Variants in CMYA5 observed in about 807,000 individuals in gnomAD.
CMYA5 encodes cardiomyopathy-associated protein 5.
In CMYA5, 246 loss-of-function variants were observed where a neutral mutation model predicts 318.9. That is an observed-to-expected ratio of 0.77 (90% confidence interval 0.70 to 0.86). The LOEUF is 0.86. Ranked by LOEUF, CMYA5 falls within the 40% of genes least tolerant of loss-of-function variation. The pLI is 0.00. For synonymous variants in CMYA5, 1,641 were observed against 1,729.5 expected, an observed-to-expected ratio of 0.95 and a Z score of 1.27; for missense variants, 4,589 against 4,678.2, an observed-to-expected ratio of 0.98 and a Z score of 0.56.
At chr5:79,775,754 T>G (rs1249942738) in intron 9 of CMYA5, among the ~76,000 whole-genome samples, 1 of 152,164 alleles carries the variant, frequency 6.6e-6, no homozygotes, top group Admixed American at 6.5e-5. Flanking sequence ...TGTATAACCA[T>G]TATTTTAAAC....
intron 1 of CMYA5, among the ~76,000 whole-genome samples, chr5:79,721,334 A>C (rs1435107840): frequency 6.6e-6 from 1 of 152,136 alleles, no homozygotes; most frequent in Non-Finnish European, 1.5e-5. Context: ...TTAAAAAATA[A>C]AAAAACAAAA....
In CMYA5 at chr5:79,730,643, A is replaced by G. The variant is rs1264978331; in HGVS notation, c.1878A>G (p.Glu626=). ...CATCCAATGTAGAAGCTATAGCTGA[A>G]CATGCAGTTTTGTCAGAAGAAGAGA... ...VPPSNVEAIA[E]HAVLSEEENE... Residue 626 remains glutamate, a synonymous_variant, in exon 2 of 13, where the codon GAA becomes GAG. Coordinates refer to ENST00000446378, the MANE Select transcript of CMYA5 (RefSeq NM_153610.5). 1 of 1,613,918 alleles carries G rather than the reference A, an allele frequency of 6.2e-7. No homozygotes were observed. Among genetic ancestry groups the G allele is most frequent in the Non-Finnish European group, 8.5e-7 (1 of 1,179,894 alleles).
chr5:79,784,818 G>A (rs1325412078), intron 9 of CMYA5, among the ~76,000 whole-genome samples: 1 of 149,974 alleles, frequency 6.7e-6, no homozygotes, highest in Non-Finnish European at 1.5e-5. Context: ...CCCACTGTCT[G>A]GCACTCCCTA....
At chr5:79,764,286 A>G (rs1488634728) in intron 9 of CMYA5, among the ~76,000 whole-genome samples, 6 of 152,142 alleles carry the variant, frequency 3.9e-5, no homozygotes, top group Non-Finnish European at 8.8e-5. Context: ...TTTGCTGAGA[A>G]TGATGGCTTC....
At chr5:79,787,540 G>C (rs954169710) in intron 9 of CMYA5, among the ~76,000 whole-genome samples, 1 of 152,172 alleles carries the variant, frequency 6.6e-6, no homozygotes, top group Non-Finnish European at 1.5e-5. Flanking sequence ...GTCAGTGGAC[G>C]TGGGACTCAG....
At chr5:79,714,356 A>G (rs915459175) in intron 1 of CMYA5, among the ~76,000 whole-genome samples, 1 of 152,024 alleles carries the variant, frequency 6.6e-6, no homozygotes, top group Non-Finnish European at 1.5e-5. Flanking sequence ...CACGTATTCA[A>G]ACAGCATGCC....
rs1411823109 is a variant in CMYA5, at chr5:79,734,505, G to C, written c.5740G>C (p.Val1914Leu). Residue 1914 changes from valine (V) to leucine (L), a missense_variant, in exon 2 of 13, where the codon GTG (valine) becomes CTG (leucine). Around this residue, in one of 3 missense-constraint regions of CMYA5, gnomAD observed 2,431 missense variants for 2,495.1 expected, o/e 0.97. Coordinates refer to ENST00000446378, the MANE Select transcript of CMYA5 (RefSeq NM_153610.5). The stretch of plus-strand genomic sequence containing the variant: ...ACACGAACAGAGAATAGCAGGATCT[G>C]TGCAGCTGGATTCCTCTAGCAGCAA... Reference protein sequence around the residue: ...SQHEQRIAGSVQLDSSSSNEL... With the variant: ...SQHEQRIAGSLQLDSSSSNEL... 2.5e-6 allele frequency: 4 copies of C among 1,613,736 alleles called. No homozygotes were observed. Among genetic ancestry groups the C allele is most frequent in the Non-Finnish European group, 3.4e-6 (4 of 1,179,774 alleles).
At chr5:79,720,524 C>G (rs1210519885) in intron 1 of CMYA5, among the ~76,000 whole-genome samples, 2 of 151,174 alleles carry the variant, frequency 1.3e-5, no homozygotes, top group African/African-American at 4.9e-5. Context: ...GCAACCTCCC[C>G]CTCCCAGGTT....
At chr5:79,741,155 G>A (rs929842414) in intron 2 of CMYA5, among the ~76,000 whole-genome samples, 1 of 152,214 alleles carries the variant, frequency 6.6e-6, no homozygotes, top group African/African-American at 2.4e-5. Context: ...TGGGATTACA[G>A]GTGTGAGTCA....
At chr5:79,713,275 A>G (rs1346538811) in intron 1 of CMYA5, among the ~76,000 whole-genome samples, 3 of 149,936 alleles carry the variant, frequency 2.0e-5, no homozygotes, top group South Asian at 4.4e-4. Context: ...CACACAGGAC[A>G]GTCCCCACCC....
chr5:79,752,787 A>G lies in CMYA5; in HGVS notation c.11103A>G (p.Gln3701=). 1.9e-6 allele frequency: 3 copies of G among 1,610,964 alleles called. No homozygotes were observed. Among genetic ancestry groups the G allele is most frequent in the Non-Finnish European group, 2.5e-6 (3 of 1,177,654 alleles). Residue 3701 remains glutamine, a synonymous_variant, in exon 6 of 13, where the codon CAA becomes CAG. Transcript: ENST00000446378. ...CAAGAAGTGACCAGATGTTAAAACA[A>G]GTGGCTGGTAAGCATTTTAATATAT... ...SSARSDQMLK[Q]VAVPQPPRLE... is the part of the protein sequence containing the mutation.
At chr5:79,792,919 C>T (rs1015937577) in intron 11 of CMYA5, among the ~76,000 whole-genome samples, 15 of 152,214 alleles carry the variant, frequency 9.9e-5, no homozygotes, top group African/African-American at 3.6e-4. Flanking sequence ...CCACACTTGG[C>T]ACTGGCCAGC....
chr5:79,793,583 G>A lies in CMYA5; in HGVS notation c.11936G>A (p.Trp3979Ter), dbSNP rs1561233052. ...GCCCTAGGACAAGGGGAGACCTCAT[G>A]GTACATGCACTGCTCTGAGCCACAG... ...AGALGQGETS[W>*]YMHCSEPQRY... is the part of the protein sequence containing the mutation. The change falls in exon 12 of 13, where the codon TGG becomes TAG. Residue 3979 changes from tryptophan (W) to a stop codon, truncating the protein, a stop_gained. Coordinates refer to ENST00000446378, the MANE Select transcript of CMYA5 (RefSeq NM_153610.5). LOFTEE classifies it high-confidence loss of function. 6.2e-7 allele frequency: 1 copy of A among 1,613,484 alleles called. No homozygotes were observed. The highest frequency in any genetic ancestry group is 2.2e-5 in the East Asian group (1 of 44,872).
At chr5:79,762,988 A>G in intron 8 of CMYA5, 74 bp from the exon 9 acceptor site, 1 of 1,485,504 alleles carries the variant, frequency 6.7e-7, no homozygotes, top group Non-Finnish European at 9.2e-7. Context: ...AAGCCGTGGA[A>G]GATCACGTGC....
intron 9 of CMYA5, among the ~76,000 whole-genome samples, chr5:79,765,188 G>A (rs1480825669): frequency 2.0e-5 from 3 of 152,196 alleles, no homozygotes; most frequent in African/African-American, 4.8e-5. Context: ...AAGGGGTCCA[G>A]TTTCAATTGT....
chr5:79,766,247 T>C (rs1445635276), intron 9 of CMYA5, among the ~76,000 whole-genome samples: 1 of 152,082 alleles, frequency 6.6e-6, no homozygotes. Flanking sequence ...TACAGGCGCA[T>C]GCCACCAAGC....
At position 79,799,462 on chromosome 5, in the gene CMYA5, G is replaced by A. The variant is rs1829331722; in HGVS notation, c.12056G>A (p.Arg4019Lys). The change falls in exon 13 of 13, where the codon AGA becomes AAA. Residue 4019 changes from arginine (R) to lysine (K), a missense_variant. By Grantham distance (26) the Arg-to-Lys change is conservative. Transcript: ENST00000446378. ...ATCCTGCTGGACTACAACAACCAGA[G>A]ACTTATCTTCATCAACGCAGAGAGC... ...VGILLDYNNQ[R>K]LIFINAESEQ... The A allele has an allele frequency of 1.2e-6, 2 of 1,613,990 alleles. No homozygotes were observed. The highest frequency in any genetic ancestry group is 1.7e-5 in the Admixed American group (1 of 60,024).
chr5:79,714,254 T>TCC (rs1175413483), intron 1 of CMYA5, among the ~76,000 whole-genome samples: 1 of 152,034 alleles, frequency 6.6e-6, no homozygotes, highest in Non-Finnish European at 1.5e-5. Context: ...ACCACCTGCA[T>TCC]CCTGGTTTTC....
In CMYA5 at chr5:79,799,660, G is replaced by C; in HGVS notation, c.*44G>C. On this transcript the variant is annotated 3_prime_UTR_variant, in exon 13 of 13. Coordinates refer to ENST00000446378, the MANE Select transcript of CMYA5 (RefSeq NM_153610.5). ...TGCAAGAACAGCGATTTGAATTTTG[G>C]GGGGGTCTGCTGTTCATTCCTTTAG... The C allele has an allele frequency of 2.5e-6, 4 of 1,573,666 alleles. No homozygotes were observed. Among genetic ancestry groups the C allele is most frequent in the Non-Finnish European group, 2.6e-6 (3 of 1,155,840 alleles).
Sources: allele counts gnomAD v4.1 joint callset (sites outside exome capture counted in the v4.1 genomes callset), GRCh38; gene constraint gnomAD v4.1.1; regional missense constraint gnomAD v4.1.1; transcripts MANE v1.5; gene names NCBI Gene and HGNC (gene_info 2026-07-23, HGNC 2026-07-21).